Variants in SDK2 observed in about 807,000 individuals in gnomAD.
The protein encoded by SDK2 is protein sidekick-2.
Under a neutral mutation model 253.9 loss-of-function variants are expected in SDK2, and 105 were observed. The observed-to-expected ratio is 0.41, with a 90% CI of 0.35 to 0.49. The LOEUF (loss-of-function observed/expected upper bound fraction) is 0.49. SDK2 is among the 20% of genes least tolerant of loss of function. SDK2 has a pLI of 0.06. For missense variants in SDK2, 2,608 were observed against 3,003.0 expected, an observed-to-expected ratio of 0.87 and a Z score of 3.07; for synonymous variants, 1,249 against 1,234.9, an observed-to-expected ratio of 1.01 and a Z score of -0.24.
At chr17:73,569,233 T>G (rs890559115) in intron 1 of SDK2, among the ~76,000 whole-genome samples, 3 of 150,758 alleles carry the variant, frequency 2.0e-5, no homozygotes, top group African/African-American at 7.3e-5. Context: ...AGTCTCACTC[T>G]GTCGCCCAGG....
chr17:73,599,915 C>T (rs898905285), intron 1 of SDK2, among the ~76,000 whole-genome samples: 1 of 152,260 alleles, frequency 6.6e-6, no homozygotes, highest in Non-Finnish European at 1.5e-5. Context: ...CCAACACAGT[C>T]ACTCTGTCTC....
intron 3 of SDK2, among the ~76,000 whole-genome samples, chr17:73,462,788 C>T (rs1276007680): frequency 6.6e-6 from 1 of 152,182 alleles, no homozygotes; most frequent in Non-Finnish European, 1.5e-5. Context: ...TCCACTTCTC[C>T]ACTCCAACAT....
chr17:73,499,399 G>GC (rs1331110641), intron 2 of SDK2, among the ~76,000 whole-genome samples: 1 of 152,222 alleles, frequency 6.6e-6, no homozygotes, highest in African/African-American at 2.4e-5. Flanking sequence ...TGGCATGGGG[G>GC]CTGGGGACCC....
chr17:73,524,598 G>C (rs893361477), intron 1 of SDK2, among the ~76,000 whole-genome samples: 1 of 152,190 alleles, frequency 6.6e-6, no homozygotes, highest in South Asian at 2.1e-4. Flanking sequence ...GGAGCAGGGG[G>C]CCTCCTTCCC....
chr17:73,553,251 G>A (rs2045092159), intron 1 of SDK2, among the ~76,000 whole-genome samples: 1 of 152,224 alleles, frequency 6.6e-6, no homozygotes, highest in Non-Finnish European at 1.5e-5. Context: ...GGGGGCCAGT[G>A]GTGGGAGCCC....
chr17:73,382,635 C>G (rs1402654067), intron 33 of SDK2, among the ~76,000 whole-genome samples: 1 of 152,262 alleles, frequency 6.6e-6, no homozygotes, highest in African/African-American at 2.4e-5. Context: ...CCTTAACTGT[C>G]GTAAATGCAC....
chr17:73,594,595 AAC>A lies in SDK2; in HGVS notation c.64+49428_64+49429del, dbSNP rs3070639. On this transcript the variant is annotated intron_variant, in intron 1 of 44. Coordinates refer to ENST00000392650, the MANE Select transcript of SDK2 (RefSeq NM_001144952.2). ...CTGCCTGCCTCATGATGGGACAATG[AAC>A]ACACACACACACAACACATACAAAT... Among the ~76,000 whole-genome samples the A allele has an allele frequency of 7.9e-5, 12 of 151,472 alleles. No individual in the cohort carries two copies. The South Asian group carries it at 2.1e-3, about 26-fold the overall frequency.
intron 2 of SDK2, among the ~76,000 whole-genome samples, chr17:73,499,597 A>T: frequency 6.6e-6 from 1 of 152,256 alleles, no homozygotes; most frequent in East Asian, 1.9e-4. Context: ...GATGTGGGGC[A>T]GGGACAGAAG....
chr17:73,440,789 G>A (rs1283478607), intron 6 of SDK2, 23 bp downstream of exon 6: 2 of 1,508,510 alleles, frequency 1.3e-6, no homozygotes, highest in South Asian at 2.4e-5. Flanking sequence ...GGGTGCGGGA[G>A]CGAGGGAAGA....
At position 73,366,004 on chromosome 17, in the gene SDK2, TG is replaced by T. The variant is rs763934814; in HGVS notation, c.5168-610del. ...TGTGGCAACCCCAAAATCATGGGGG[TG>T]GGGGCTCCCCTGATGGGGAGGACAG... On this transcript the variant is annotated intron_variant, in intron 37 of 44. Transcript: ENST00000392650. Among the ~76,000 whole-genome samples, 6 of 151,610 alleles carry T rather than the reference TG, an allele frequency of 4.0e-5. No homozygotes were observed. In the South Asian group the frequency reaches 8.4e-4, roughly 21 times the overall value.
chr17:73,580,978 G>C (rs984260877), intron 1 of SDK2, among the ~76,000 whole-genome samples: 1 of 152,058 alleles, frequency 6.6e-6, no homozygotes, highest in Non-Finnish European at 1.5e-5. Context: ...CTGCAGCCTC[G>C]AACTCCTGGG....
intron 40 of SDK2, among the ~76,000 whole-genome samples, chr17:73,356,722 T>A (rs1433890924): frequency 6.6e-6 from 1 of 152,182 alleles, no homozygotes; most frequent in Non-Finnish European, 1.5e-5. Context: ...TGGTTACTGA[T>A]CCTGTCCTCT....
At chr17:73,593,087 G>T (rs192595296) in intron 1 of SDK2, among the ~76,000 whole-genome samples, 257 of 152,136 alleles carry the variant, frequency 1.7e-3, no homozygotes, top group African/African-American at 5.9e-3. Flanking sequence ...TAAGCTTACC[G>T]CGCAAATGCC....
Position 73,464,682 on chromosome 17 carries a change from G to T in SDK2, c.331+7430C>A, listed in dbSNP as rs376670871. ...TTGCACCTGCTATCTGACCTGGAATGATCTCCTCCTCTGTCTACATGGTTT... is the reference window on the plus strand; with the variant it reads ...TTGCACCTGCTATCTGACCTGGAATTATCTCCTCCTCTGTCTACATGGTTT... On this transcript the variant is annotated intron_variant, in intron 3 of 44. Coordinates refer to ENST00000392650, the MANE Select transcript of SDK2 (RefSeq NM_001144952.2). 4.6e-5 allele frequency among the ~76,000 whole-genome samples: 7 copies of T among 152,194 alleles called. No homozygotes were observed. In the East Asian group the frequency reaches 5.8e-4, roughly 13 times the overall value.
chr17:73,475,835 C>A (rs1304467308), intron 2 of SDK2, among the ~76,000 whole-genome samples: 1 of 152,184 alleles, frequency 6.6e-6, no homozygotes, highest in Non-Finnish European at 1.5e-5. Context: ...TGTTTTACAT[C>A]ATACAAACTG....
intron 1 of SDK2, among the ~76,000 whole-genome samples, chr17:73,537,291 C>T (rs776306040): frequency 9.9e-5 from 15 of 152,158 alleles, no homozygotes; most frequent in Non-Finnish European, 1.5e-4. Flanking sequence ...CGTCTGTTAA[C>T]GAGGGAGATA....
chr17:73,590,076 CTT>C (rs1002108344), intron 1 of SDK2, among the ~76,000 whole-genome samples: 6 of 152,356 alleles, frequency 3.9e-5, no homozygotes, highest in African/African-American at 1.4e-4. Flanking sequence ...CATGCTGCCT[CTT>C]AAACCCACAC....
intron 18 of SDK2, among the ~76,000 whole-genome samples, chr17:73,405,377 T>C (rs1482867742): frequency 2.5e-5 from 3 of 121,566 alleles, no homozygotes; most frequent in Non-Finnish European, 5.1e-5. Flanking sequence ...AAGGCAGAGG[T>C]TGCAGCGAGC....
Position 73,402,087 on chromosome 17 carries a change from G to A in SDK2, c.2539C>T (p.Pro847Ser). 1 of 1,614,058 alleles carries A rather than the reference G, an allele frequency of 6.2e-7. No individual in the cohort carries two copies. The highest frequency in any genetic ancestry group is 2.2e-5 in the East Asian group (1 of 44,884). The stretch of plus-strand genomic sequence containing the variant: ...ACGTGGATGCTGTCTTGAAAGTTAG[G>A]CCGGGCGGTCACCATGGTAACCTCC... ...EEEVTMVTAR[P>S]NFQDSIHVGF... Residue 847 changes from proline to serine, a missense_variant, in exon 19 of 45, where the codon CCT becomes TCT. Around this residue, in one of 2 missense-constraint regions of SDK2, gnomAD observed 1,505 missense variants for 1,859.1 expected, o/e 0.81. Transcript: ENST00000392650.
Sources: gnomAD v4.1 joint callset for allele counts (sites outside exome capture counted in the v4.1 genomes callset) on GRCh38, gnomAD v4.1.1 for gene constraint, gnomAD v4.1.1 regional missense constraint, MANE v1.5 for transcripts, NCBI Gene and HGNC (gene_info 2026-07-23, HGNC 2026-07-21) for gene names.